Variants in PDZD2 observed in about 807,000 individuals in gnomAD.
The protein encoded by PDZD2 is PDZ domain-containing protein 2.
A neutral mutation model predicts 220.7 loss-of-function variants in PDZD2; 90 were observed. The observed-to-expected ratio is 0.41, with a 90% CI of 0.34 to 0.49. The LOEUF is 0.49. Among genes scored for constraint, PDZD2 ranks in the 20% least tolerant of loss-of-function variants. The pLI is 0.28. For missense variants in PDZD2, 3,174 were observed against 3,608.5 expected (o/e 0.88, Z 3.08); for synonymous variants, 1,375 against 1,450.5 (o/e 0.95, Z 1.18).
chr5:31,871,506 C>T (rs1487206881), intron 2 of PDZD2, among the ~76,000 whole-genome samples: 2 of 152,246 alleles, frequency 1.3e-5, no homozygotes, highest in South Asian at 2.1e-4. Flanking sequence ...GGCTGGAGTG[C>T]GGTGACATGA....
intron 2 of PDZD2, among the ~76,000 whole-genome samples, chr5:31,870,951 G>A (rs971565288): frequency 5.3e-5 from 8 of 150,410 alleles, no homozygotes; most frequent in Non-Finnish European, 1.0e-4. Flanking sequence ...TCAAAGTGAA[G>A]AAGATATGTT....
rs571216070 is a variant in PDZD2 at position 31,996,615 on chromosome 5, C to T, written c.1121+897C>T. 8.6e-5 allele frequency among the ~76,000 whole-genome samples: 13 copies of T among 151,952 alleles called. No individual in the cohort carries two copies. The South Asian group carries it at 1.2e-3, about 15-fold the overall frequency. On this transcript the variant is annotated intron_variant, in intron 4 of 24. Coordinates refer to ENST00000438447, the MANE Select transcript of PDZD2 (RefSeq NM_178140.4). ...CCCAGGTACTTGGGAGGCTGAGGCA[C>T]GAGAATGGGTTGAACCTAGGTTGTG...
chr5:32,088,332 C>T lies in PDZD2; in HGVS notation c.4884C>T (p.Ala1628=). ...AGGCTGCCATCTGTCCTGCCTCAGC[C>T]AAAGTTCTGTCATTAAAATACAGCA... ...PTQAAICPAS[A]KVLSLKYSTP... The change falls in exon 20 of 25, where the codon GCC becomes GCT. Residue 1628 remains alanine, a synonymous_variant. Coordinates refer to ENST00000438447, the MANE Select transcript of PDZD2 (RefSeq NM_178140.4). The surrounding 1 kb of genome is among the most constrained non-coding windows in gnomAD (Gnocchi z 4.6). 1 of 1,614,056 alleles carries T rather than the reference C, an allele frequency of 6.2e-7. No homozygotes were observed. The highest frequency in any genetic ancestry group is 8.5e-7 in the Non-Finnish European group (1 of 1,179,996).
intron 2 of PDZD2, among the ~76,000 whole-genome samples, chr5:31,962,313 G>A (rs1748319955): frequency 6.6e-6 from 1 of 152,138 alleles, no homozygotes; most frequent in South Asian, 2.1e-4. Flanking sequence ...CAAACCCAAA[G>A]TACCTGGAGG....
At chr5:32,072,975 TAAATTA>T (rs1304835517) in intron 17 of PDZD2, among the ~76,000 whole-genome samples, 2 of 152,100 alleles carry the variant, frequency 1.3e-5, no homozygotes, top group African/African-American at 4.8e-5. Context: ...TAGAAGGCTG[TAAATTA>T]AAGATTAAGA....
intron 23 of PDZD2, chr5:32,100,557 C>T (rs1269534513): frequency 3.0e-6 from 1 of 330,748 alleles, no homozygotes; most frequent in Non-Finnish European, 5.9e-6. Context: ...CAGGGTTTCC[C>T]TTTGCAGGAG....
intron 2 of PDZD2, among the ~76,000 whole-genome samples, chr5:31,826,519 A>C (rs1216913415): frequency 6.6e-6 from 1 of 151,400 alleles, no homozygotes; most frequent in Non-Finnish European, 1.5e-5. Flanking sequence ...CTAAAAATAC[A>C]AAAAAAATTA....
chr5:31,813,299 A>C (rs1426992767), intron 2 of PDZD2, among the ~76,000 whole-genome samples: 1 of 151,948 alleles, frequency 6.6e-6, no homozygotes, highest in African/African-American at 2.4e-5. Context: ...AAATACAAAA[A>C]ATTAGCCGGG....
intron 2 of PDZD2, among the ~76,000 whole-genome samples, chr5:31,960,744 CTGTTGAAGCATTCTTCATA>C (rs1195829588): frequency 1.3e-5 from 1 of 78,608 alleles, no homozygotes; most frequent in Non-Finnish European, 3.4e-5. Flanking sequence ...ACCCGTGCTT[CTGTTGAAGCATTCTTCATA>C]TAATTAGTGT....
chr5:31,803,985 G>C (rs1754564318), intron 2 of PDZD2, among the ~76,000 whole-genome samples: 1 of 151,520 alleles, frequency 6.6e-6, no homozygotes, highest in Non-Finnish European at 1.5e-5. Context: ...CGAGGCTGCA[G>C]TGAGCCATGT....
At chr5:32,079,672 A>C (rs139967142) in intron 19 of PDZD2, among the ~76,000 whole-genome samples, 1 of 151,808 alleles carries the variant, frequency 6.6e-6, no homozygotes, top group Non-Finnish European at 1.5e-5. Flanking sequence ...TTAGCTGGGC[A>C]TGTTGGCGGG....
intron 2 of PDZD2, among the ~76,000 whole-genome samples, chr5:31,867,869 G>C (rs1004235562): frequency 3.4e-5 from 5 of 148,644 alleles, no homozygotes; most frequent in African/African-American, 1.2e-4. Flanking sequence ...ATTAGGGAAA[G>C]GAAGGCAGCA....
chr5:31,741,613 A>G (rs926223635), intron 1 of PDZD2, among the ~76,000 whole-genome samples: 4 of 152,104 alleles, frequency 2.6e-5, no homozygotes, highest in African/African-American at 9.7e-5. Context: ...GGAAACCATT[A>G]TGTACTCTGA....
intron 5 of PDZD2, among the ~76,000 whole-genome samples, chr5:32,008,874 G>C (rs1051081194): frequency 6.6e-6 from 1 of 152,170 alleles, no homozygotes; most frequent in Non-Finnish European, 1.5e-5. Flanking sequence ...AGCCTTGCCC[G>C]CGTGGGCCTC....
chr5:31,743,767 C>T (rs1470353275), intron 1 of PDZD2, among the ~76,000 whole-genome samples: 5 of 151,926 alleles, frequency 3.3e-5, no homozygotes, highest in Non-Finnish European at 5.9e-5. Flanking sequence ...AGATTCTCAG[C>T]TAGGATATTG....
chr5:31,954,869 G>A (rs746286058), intron 2 of PDZD2, among the ~76,000 whole-genome samples: 5 of 152,206 alleles, frequency 3.3e-5, no homozygotes, highest in Non-Finnish European at 5.9e-5. Flanking sequence ...CCCGGGAGGC[G>A]AAGGTTGCAG....
rs1194486245 is a variant in PDZD2 at position 32,003,174 on chromosome 5, CCATACACCA to C, written c.1254+2906_1254+2914del. ...ACACCACCAACACACACACCACACACCATACACCACACACACACTACACACACCACACAC... is the reference window on the plus strand; with the variant it reads ...ACACCACCAACACACACACCACACACCACACACACTACACACACCACACAC... On this transcript the variant is annotated intron_variant, in intron 5 of 24. Transcript: ENST00000438447. 1.2e-4 allele frequency among the ~76,000 whole-genome samples: 8 copies of C among 64,148 alleles called. 2 individuals are homozygous for C. The highest frequency in any genetic ancestry group is 9.3e-4 in the East Asian group (1 of 1,074). 42.1% of individuals were successfully genotyped at this position (64,148 alleles called of 152,430 possible). A position where few individuals can be genotyped will look rare whatever the true frequency, so the allele number is the denominator to read the frequency against.
chr5:31,880,411 A>G (rs1739760109), intron 2 of PDZD2, among the ~76,000 whole-genome samples: 1 of 152,206 alleles, frequency 6.6e-6, no homozygotes, highest in East Asian at 1.9e-4. Flanking sequence ...TCTGCTGTAT[A>G]TAGGGCATTT....
At chr5:31,712,319 C>A (rs745644380) in intron 1 of PDZD2, among the ~76,000 whole-genome samples, 1 of 152,116 alleles carries the variant, frequency 6.6e-6, no homozygotes. Flanking sequence ...CCTCACACGG[C>A]GTTGACTCGG....
Sources: allele counts gnomAD v4.1 joint callset (sites outside exome capture counted in the v4.1 genomes callset), GRCh38; gene constraint gnomAD v4.1.1; non-coding constraint Gnocchi (gnomAD v3.1); transcripts MANE v1.5; gene names NCBI Gene and HGNC (gene_info 2026-07-23, HGNC 2026-07-21).